Variants in PDE6H observed in about 807,000 individuals in gnomAD.
The protein encoded by PDE6H is phosphodiesterase 6H, also known as retinal cone rhodopsin-sensitive cGMP 3',5'-cyclic phosphodiesterase subunit gamma.
Under a neutral mutation model 9.2 loss-of-function variants are expected in PDE6H, and 11 were observed. The observed-to-expected ratio is 1.19, with a 90% CI of 0.75 to 1.97. PDE6H has a LOEUF of 1.97. Among genes scored for constraint, PDE6H ranks in the 30% most tolerant of loss-of-function variants. The probability of loss-of-function intolerance (pLI) is 0.00; values close to 1 mark genes in which losing one functional copy is unlikely to be tolerated. For synonymous variants in PDE6H, 36 were observed against 33.6 expected, an observed-to-expected ratio of 1.07 and a Z score of -0.25; for missense variants, 98 against 101.5, an observed-to-expected ratio of 0.97 and a Z score of 0.15.
At chr12:14,980,964 C>T (rs748485083) in intron 3 of PDE6H, among the ~76,000 whole-genome samples, 3 of 152,142 alleles carry the variant, frequency 2.0e-5, no homozygotes, top group Non-Finnish European at 4.4e-5. Context: ...AATAGAAGAA[C>T]AATTAGAGAA....
intron 3 of PDE6H, among the ~76,000 whole-genome samples, chr12:14,979,614 A>G (rs1864651749): frequency 6.6e-6 from 1 of 152,214 alleles, no homozygotes; most frequent in Admixed American, 6.5e-5. Flanking sequence ...ACTATTGGAA[A>G]TAAGGGTGAG....
intron 1 of PDE6H, among the ~76,000 whole-genome samples, chr12:14,977,446 A>G (rs1864612878): frequency 6.6e-6 from 1 of 152,236 alleles, no homozygotes; most frequent in Non-Finnish European, 1.5e-5. Flanking sequence ...CAGATGCTGT[A>G]AAAGACTATA....
intron 2 of PDE6H, among the ~76,000 whole-genome samples, chr12:14,978,638 A>C (rs546136332): frequency 6.6e-6 from 1 of 152,064 alleles, no homozygotes; most frequent in Non-Finnish European, 1.5e-5. Context: ...ACAAACTATC[A>C]TTACTTTCAT....
At position 14,981,458 on chromosome 12, in the gene PDE6H, TCA is replaced by T; in HGVS notation, c.235_236del (p.Gln79ValfsTer15). 6.2e-7 allele frequency: 1 copy of T among 1,613,034 alleles called. No individual in the cohort carries two copies. The highest frequency in any genetic ancestry group is 8.5e-7 in the Non-Finnish European group (1 of 1,178,934). ...GCCACCTGGAATTGCATGAGCTCGC[TCA>T]GTTTGGGATTATCTGAAGTGCCAGA... is the stretch of plus-strand genomic sequence containing the variant. ...FSHLELHELA[Q>X]FGII On this transcript the variant is annotated frameshift_variant, in exon 4 of 4. Coordinates refer to ENST00000266395, the MANE Select transcript of PDE6H (RefSeq NM_006205.3). LOFTEE classifies it high-confidence loss of function.
chr12:14,975,038 AT>A (rs57972453), intron 1 of PDE6H, among the ~76,000 whole-genome samples: 2,007 of 152,326 alleles, frequency 0.013, 56 homozygotes, highest in African/African-American at 0.046. Context: ...GGATTATGAA[AT>A]TTATCCTAAG....
intron 1 of PDE6H, among the ~76,000 whole-genome samples, 193 bp from the exon 2 acceptor site, chr12:14,977,779 G>A (rs1436477028): frequency 6.6e-6 from 1 of 152,112 alleles, no homozygotes; most frequent in Non-Finnish European, 1.5e-5. Context: ...TCCATTAAGT[G>A]CCTGCATTGA....
rs1241788979 is a variant in PDE6H at position 14,981,500 on chromosome 12, C to T, written c.*24C>T. The T allele has an allele frequency of 1.3e-6, 2 of 1,545,038 alleles. No individual in the cohort carries two copies. The highest frequency in any genetic ancestry group is 3.4e-4 in the Middle Eastern group (2 of 5,932). On this transcript the variant is annotated 3_prime_UTR_variant, in exon 4 of 4. Coordinates refer to ENST00000266395, the MANE Select transcript of PDE6H (RefSeq NM_006205.3). ...GAAGTGCCAGAGGTTCTGCCACTCT[C>T]AATGACATCTGCTGTAATTTTGGTT...
At chr12:14,974,905 A>G (rs1463931929) in intron 1 of PDE6H, among the ~76,000 whole-genome samples, 1 of 152,238 alleles carries the variant, frequency 6.6e-6, no homozygotes, top group Admixed American at 6.5e-5. Flanking sequence ...AAGGTCTAGC[A>G]TATATTTGCC....
intron 1 of PDE6H, among the ~76,000 whole-genome samples, chr12:14,975,594 A>G (rs1265382046): frequency 6.6e-6 from 1 of 152,008 alleles, no homozygotes; most frequent in African/African-American, 2.4e-5. Context: ...CTCACCAGCT[A>G]TTCCCAGGGT....
In PDE6H at chr12:14,978,087, G is replaced by T. The variant is rs774758991; in HGVS notation, c.75G>T (p.Lys25Asn). Residue 25 changes from lysine (K) to asparagine (N), a missense_variant, in exon 2 of 4, where the codon AAG (lysine) becomes AAT (asparagine). Physicochemically the swap from Lys to Asn is moderately conservative, Grantham distance 94. Coordinates refer to ENST00000266395, the MANE Select transcript of PDE6H (RefSeq NM_006205.3). ...GPTTPRKGPP[K>N]FKQRQTRQFK... ...CCACCCCACGCAAAGGCCCTCCCAA[G>T]TTCAAGCAGAGGCAGACTCGCCAAT... The T allele has an allele frequency of 6.2e-7, 1 of 1,613,766 alleles. No individual in the cohort carries two copies. The highest frequency in any genetic ancestry group is 8.5e-7 in the Non-Finnish European group (1 of 1,179,916).
At chr12:14,980,754 A>C (rs1340604028) in intron 3 of PDE6H, among the ~76,000 whole-genome samples, 1 of 152,222 alleles carries the variant, frequency 6.6e-6, no homozygotes, top group Non-Finnish European at 1.5e-5. Context: ...TGAAGGTCTG[A>C]GGTCTTTGAC....
intron 3 of PDE6H, among the ~76,000 whole-genome samples, chr12:14,980,355 TAC>T (rs760965116): frequency 5.3e-5 from 8 of 152,278 alleles, no homozygotes; most frequent in Non-Finnish European, 8.8e-5. Context: ...TGTAGGGATA[TAC>T]ACAGTTTTTT....
In PDE6H at chr12:14,978,103, A is replaced by T. The variant is rs1226353050; in HGVS notation, c.91A>T (p.Thr31Ser). Residue 31 changes from threonine to serine, a missense_variant, in exon 2 of 4, where the codon ACT (threonine) becomes TCT (serine). Coordinates refer to ENST00000266395, the MANE Select transcript of PDE6H (RefSeq NM_006205.3). The part of the protein sequence containing the change: ...KGPPKFKQRQ[T>S]RQFKSKPPKK... ...CCCTCCCAAGTTCAAGCAGAGGCAG[A>T]CTCGCCAATTCAAGAGTAAACCTCC... 1.9e-6 allele frequency: 3 copies of T among 1,613,646 alleles called. No homozygotes were observed. Among genetic ancestry groups the T allele is most frequent in the Non-Finnish European group, 2.5e-6 (3 of 1,179,966 alleles).
At chr12:14,976,710 A>G (rs1395413927) in intron 1 of PDE6H, among the ~76,000 whole-genome samples, 1 of 152,168 alleles carries the variant, frequency 6.6e-6, no homozygotes, top group African/African-American at 2.4e-5. Flanking sequence ...AAAAAAAAGA[A>G]AAAAGAATAT....
intron 1 of PDE6H, among the ~76,000 whole-genome samples, chr12:14,974,786 G>A (rs533979421): frequency 5.9e-5 from 9 of 152,254 alleles, no homozygotes; most frequent in Non-Finnish European, 1.2e-4. Flanking sequence ...TGCCCCTCTG[G>A]TGTATGGCAA....
chr12:14,974,207 A>G (rs10505784), intron 1 of PDE6H, among the ~76,000 whole-genome samples: 17,845 of 152,252 alleles, frequency 0.12, 1,162 homozygotes, highest in South Asian at 0.25. Context: ...AATACATTTA[A>G]GGTTACTCAG....
chr12:14,980,951 A>G (rs1178360464), intron 3 of PDE6H, among the ~76,000 whole-genome samples: 2 of 152,246 alleles, frequency 1.3e-5, no homozygotes, highest in Non-Finnish European at 2.9e-5. Context: ...CAAAATGTAA[A>G]GGAATAGAAG....
At chr12:14,979,977 T>C (rs953103384) in intron 3 of PDE6H, among the ~76,000 whole-genome samples, 11 of 152,218 alleles carry the variant, frequency 7.2e-5, no homozygotes, top group Admixed American at 7.2e-4. Flanking sequence ...ATGCAGTATG[T>C]TAATTAAACT....
intron 1 of PDE6H, among the ~76,000 whole-genome samples, chr12:14,976,648 T>A (rs1334471662): frequency 6.6e-6 from 1 of 151,986 alleles, no homozygotes; most frequent in Non-Finnish European, 1.5e-5. Context: ...ATGATTGCAA[T>A]TGCACCACTG....
Sources: gnomAD v4.1 joint callset for allele counts (sites outside exome capture counted in the v4.1 genomes callset) on GRCh38, gnomAD v4.1.1 for gene constraint, MANE v1.5 for transcripts, NCBI Gene and HGNC (gene_info 2026-07-23, HGNC 2026-07-21) for gene names.